Variants in ELL2 observed in about 807,000 individuals in gnomAD.
ELL2 encodes the protein elongation factor for RNA polymerase II 2, also known as RNA polymerase II elongation factor ELL2.
ELL2 carries 21 observed loss-of-function variants against 72.8 expected under a neutral mutation model. That is an observed-to-expected ratio of 0.29 (90% CI 0.20 to 0.42). ELL2 has a LOEUF of 0.42. Among genes scored for constraint, ELL2 ranks in the 10% least tolerant of loss-of-function variants. The pLI is 1.00. For missense variants in ELL2, 568 were observed against 772.8 expected, an observed-to-expected ratio of 0.73 and a Z score of 3.14; for synonymous variants, 266 against 283.2, an observed-to-expected ratio of 0.94 and a Z score of 0.61.
At chr5:95,914,495 A>G (rs1275693168) in intron 3 of ELL2, among the ~76,000 whole-genome samples, 2 of 152,202 alleles carry the variant, frequency 1.3e-5, no homozygotes, top group African/African-American at 2.4e-5. Context: ...TTAAATCTCT[A>G]TATAAGATGA....
rs189464078 is a variant in ELL2, at chr5:95,899,728, T to G, written c.955-918A>C. ...ATCAACTCATTATTTTGTTTTCAAT[T>G]TAACACCATTTATTTGGCACCTAGT... On this transcript the variant is annotated intron_variant, in intron 7 of 11. Transcript: ENST00000237853. Among the ~76,000 whole-genome samples the G allele has an allele frequency of 2.0e-3, 307 of 152,340 alleles. 1 individual carries two copies. Among genetic ancestry groups the G allele is most frequent in the African/African-American group, 6.9e-3 (288 of 41,582 alleles).
intron 10 of ELL2, among the ~76,000 whole-genome samples, chr5:95,889,480 T>C (rs926459157): frequency 1.2e-4 from 19 of 152,236 alleles, no homozygotes; most frequent in African/African-American, 4.3e-4. Context: ...CAAAGTGTTT[T>C]ATGTACCAAT....
chr5:95,949,050 T>C (rs1230798815), intron 1 of ELL2, among the ~76,000 whole-genome samples: 3 of 152,232 alleles, frequency 2.0e-5, no homozygotes, highest in African/African-American at 7.2e-5. Flanking sequence ...GGTTATACTC[T>C]TGACATCTGC....
intron 3 of ELL2, among the ~76,000 whole-genome samples, chr5:95,916,316 T>C (rs1749796444): frequency 6.6e-6 from 1 of 152,094 alleles, no homozygotes. Context: ...ATAAGTTCAG[T>C]GTTGGAGATG....
At position 95,953,344 on chromosome 5, in the gene ELL2, GA is replaced by G. The variant is rs372967971; in HGVS notation, c.147+8230del. On this transcript the variant is annotated intron_variant, in intron 1 of 11. Transcript: ENST00000237853. ...CTCTACCTCTTAACTTTTTATTAAA[GA>G]AAAAACATCTTAAGATACTCAGCTG... 8.6e-3 allele frequency among the ~76,000 whole-genome samples: 1,303 copies of G among 152,162 alleles called. 17 individuals are homozygous for G. Among genetic ancestry groups the G allele is most frequent in the African/African-American group, 0.03 (1,257 of 41,528 alleles).
rs142890335 is a variant in ELL2 at position 95,943,419 on chromosome 5, A to G, written c.148-370T>C. Among the ~76,000 whole-genome samples the G allele has an allele frequency of 6.6e-5, 10 of 152,308 alleles. 1 individual carries two copies. In the East Asian group the frequency reaches 1.9e-3, roughly 29 times the overall value. On this transcript the variant is annotated intron_variant, in intron 1 of 11. Coordinates refer to ENST00000237853, the MANE Select transcript of ELL2 (RefSeq NM_012081.6). The stretch of plus-strand genomic sequence containing the variant: ...CACTATTTACATTTCTCTCTGAACC[A>G]CACAAACAAAATATATTTTTTGGCA...
intron 2 of ELL2, among the ~76,000 whole-genome samples, chr5:95,932,219 G>C (rs1216931284): frequency 6.6e-6 from 1 of 152,058 alleles, no homozygotes; most frequent in Non-Finnish European, 1.5e-5. Context: ...TAAAGCTATT[G>C]ATATGCACAA....
intron 5 of ELL2, among the ~76,000 whole-genome samples, chr5:95,901,426 C>T (rs1250799995): frequency 5.3e-5 from 8 of 152,158 alleles, no homozygotes; most frequent in Admixed American, 4.6e-4. Context: ...CCCTCCTTAT[C>T]TTCAAAGGAT....
chr5:95,903,390 T>C (rs1262362929), intron 5 of ELL2, among the ~76,000 whole-genome samples: 1 of 151,786 alleles, frequency 6.6e-6, no homozygotes, highest in East Asian at 1.9e-4. Context: ...AGCTAATTTT[T>C]GTATTTTTAG....
At chr5:95,921,556 T>C (rs1053238808) in intron 2 of ELL2, among the ~76,000 whole-genome samples, 2 of 152,238 alleles carry the variant, frequency 1.3e-5, no homozygotes, top group Admixed American at 6.5e-5. Context: ...CAGGCTGTCT[T>C]ACTGGGTGTG....
chr5:95,952,108 G>C (rs1751432891), intron 1 of ELL2, among the ~76,000 whole-genome samples: 1 of 152,152 alleles, frequency 6.6e-6, no homozygotes, highest in South Asian at 2.1e-4. Context: ...ATATACCATG[G>C]AATACAACAC....
intron 2 of ELL2, among the ~76,000 whole-genome samples, chr5:95,939,522 C>A (rs886069528): frequency 3.9e-5 from 6 of 152,182 alleles, no homozygotes; most frequent in African/African-American, 1.4e-4. Flanking sequence ...TTGCTTAGAA[C>A]AATTACGTTG....
chr5:95,906,854 C>T, intron 4 of ELL2, 72 bp from the exon 5 acceptor site: 1 of 1,406,778 alleles, frequency 7.1e-7, no homozygotes, highest in South Asian at 1.8e-5. Flanking sequence ...TTCCACAATT[C>T]TGATTTAGGT....
At chr5:95,901,613 C>G (rs1749146249) in intron 5 of ELL2, among the ~76,000 whole-genome samples, 1 of 152,220 alleles carries the variant, frequency 6.6e-6, no homozygotes, top group Non-Finnish European at 1.5e-5. Flanking sequence ...GGCAACACTA[C>G]TCTTGCGCTT....
chr5:95,915,966 T>A (rs531246056), intron 3 of ELL2, among the ~76,000 whole-genome samples: 102 of 151,822 alleles, frequency 6.7e-4, no homozygotes, highest in Non-Finnish European at 1.2e-3. Flanking sequence ...TCATTTGTAT[T>A]GCAGAAAGCT....
chr5:95,937,704 C>T (rs1313327157), intron 2 of ELL2, among the ~76,000 whole-genome samples: 2 of 152,086 alleles, frequency 1.3e-5, no homozygotes, highest in Non-Finnish European at 2.9e-5. Context: ...AACAGAACTA[C>T]CTTTATAAAG....
chr5:95,929,223 CTG>C (rs1253909016), intron 2 of ELL2, among the ~76,000 whole-genome samples: 5 of 150,428 alleles, frequency 3.3e-5, no homozygotes, highest in Non-Finnish European at 5.9e-5. Flanking sequence ...TCCCACCAGA[CTG>C]TGAGTTCTTT....
chr5:95,902,119 T>C (rs757177289), intron 5 of ELL2, among the ~76,000 whole-genome samples: 1 of 152,254 alleles, frequency 6.6e-6, no homozygotes, highest in Non-Finnish European at 1.5e-5. Flanking sequence ...ATAAAAATCC[T>C]TGATCACTTG....
Position 95,888,560 on chromosome 5 carries a change from C to G in ELL2, c.*311G>C, listed in dbSNP as rs1180649352. 1 of 186,844 alleles carries G rather than the reference C, an allele frequency of 5.4e-6. No homozygotes were observed. The highest frequency in any genetic ancestry group is 2.3e-5 in the African/African-American group (1 of 42,608). The allele number at this position is 186,844 out of a possible 1,614,324, so 11.6% of individuals were successfully genotyped here. A position where few individuals can be genotyped will look rare whatever the true frequency, so the allele number is the denominator to read the frequency against. On this transcript the variant is annotated 3_prime_UTR_variant, in exon 12 of 12. Transcript: ENST00000237853. ...ATCCCCAATATCTAAAAAATCATTT[C>G]TAATAACAAACACAAGTTTTTGAGG...
Sources: gnomAD v4.1 joint callset for allele counts (sites outside exome capture counted in the v4.1 genomes callset) on GRCh38, gnomAD v4.1.1 for gene constraint, MANE v1.5 for transcripts, NCBI Gene and HGNC (gene_info 2026-07-23, HGNC 2026-07-21) for gene names.